Variants in DYRK1B observed in about 807,000 individuals in gnomAD.
The protein encoded by DYRK1B is dual specificity tyrosine phosphorylation regulated kinase 1B, also known as dual specificity tyrosine-phosphorylation-regulated kinase 1B.
Under a neutral mutation model 57.1 loss-of-function variants are expected in DYRK1B, and 20 were observed. That is an observed-to-expected ratio of 0.35 (90% CI 0.25 to 0.51). DYRK1B has a LOEUF of 0.51. Among genes scored for constraint, DYRK1B ranks in the 20% least tolerant of loss-of-function variants. The pLI is 0.96. For synonymous variants in DYRK1B, 409 were observed against 384.7 expected (o/e 1.06, Z -0.74); for missense variants, 732 against 886.3 (o/e 0.83, Z 2.21).
intron 2 of DYRK1B, among the ~76,000 whole-genome samples, chr19:39,831,220 GTTCT>G (rs1425079282): frequency 1.3e-5 from 2 of 152,088 alleles, no homozygotes; most frequent in African/African-American, 2.4e-5. Context: ...TCTTTGCACA[GTTCT>G]TTCACCCCAA....
Position 39,826,350 on chromosome 19 carries a change from G to T in DYRK1B, c.1412-64C>A. 7.3e-7 allele frequency: 1 copy of T among 1,373,478 alleles called. No individual in the cohort carries two copies. Among genetic ancestry groups the T allele is most frequent in the Non-Finnish European group, 9.9e-7 (1 of 1,013,672 alleles). The allele number at this position is 1,373,478 out of a possible 1,614,324, so 85.1% of individuals were successfully genotyped here. On this transcript the variant is annotated intron_variant, in intron 9 of 10. Transcript: ENST00000323039. This position sits in a 1 kb window ranked among gnomAD's most constrained non-coding sequence, Gnocchi z 6.3. The stretch of plus-strand genomic sequence containing the variant: ...TGAGAGAAGGTGGCGAGTGGGTTTT[G>T]GGATGGCTGAGGGAAGGTCACGGCC...
In DYRK1B at chr19:39,826,875, C is replaced by G. The variant is rs866531075; in HGVS notation, c.1208G>C (p.Arg403Pro). 7.0e-7 allele frequency: 1 copy of G among 1,428,230 alleles called. No homozygotes were observed. The highest frequency in any genetic ancestry group is 2.8e-5 in the East Asian group (1 of 36,298). 88.5% of individuals were successfully genotyped at this position (1,428,230 alleles called of 1,614,324 possible). A position where few individuals can be genotyped will look rare whatever the true frequency, so the allele number is the denominator to read the frequency against. ...CATGCGCAGCACCAGGTCCTGGAAG[C>G]GGAGGTAGTCGGCGGGGCTGTGGCC... ...EPGHSPADYL[R>P]FQDLVLRMLE... The change falls in exon 9 of 11, where the codon CGC becomes CCC. Residue 403 changes from arginine (R) to proline (P), a missense_variant. By Grantham distance (103) the Arg-to-Pro change is moderately radical. Around this residue, in one of 2 missense-constraint regions of DYRK1B, gnomAD observed 510 missense variants for 681.3 expected, o/e 0.75. Transcript: ENST00000323039. The surrounding 1 kb of genome is among the most constrained non-coding windows in gnomAD (Gnocchi z 6.3).
rs200639977 is a variant in DYRK1B, at chr19:39,830,032, T to C, written c.373-5A>G. ...ATGATCATAGGCTTTCACCACCTGT[T>C]GGGGCAGGGCATGTCACGAAGAAAG... On this transcript the variant is annotated splice_polypyrimidine_tract_variant and splice_region_variant and intron_variant, in intron 4 of 10. Coordinates refer to ENST00000323039, the MANE Select transcript of DYRK1B (RefSeq NM_004714.3). 13 of 1,613,874 alleles carry C rather than the reference T, an allele frequency of 8.1e-6. No homozygotes were observed. The African/African-American group carries it at 1.5e-4, about 18-fold the overall frequency.
At chr19:39,830,180 G>T in intron 4 of DYRK1B, 153 bp from the exon 5 acceptor site, 4 of 1,159,618 alleles carry the variant, frequency 3.4e-6, no homozygotes, top group Non-Finnish European at 4.9e-6. Context: ...TGTAAACACT[G>T]GATGTGAAAT....
At position 39,827,660 on chromosome 19, in the gene DYRK1B, G is replaced by T; in HGVS notation, c.808-4C>A. 3 of 1,612,550 alleles carry T rather than the reference G, an allele frequency of 1.9e-6. No homozygotes were observed. The highest frequency in any genetic ancestry group is 2.5e-6 in the Non-Finnish European group (3 of 1,178,860). On this transcript the variant is annotated splice_region_variant and splice_polypyrimidine_tract_variant and intron_variant, in intron 6 of 10. Coordinates refer to ENST00000323039, the MANE Select transcript of DYRK1B (RefSeq NM_004714.3). ...GGCTCTGGATATACTGGTAGATCTG[G>T]GAAAAGGGTAATCGTCAAGGGACCC...
chr19:39,829,672 A>G (rs1235045520), intron 5 of DYRK1B: 3 of 525,678 alleles, frequency 5.7e-6, no homozygotes, highest in East Asian at 3.2e-5. Context: ...CTTGGTGAGC[A>G]CTCAGTAACC....
intron 2 of DYRK1B, among the ~76,000 whole-genome samples, 177 bp from the exon 3 acceptor site, chr19:39,830,960 C>T (rs942152433): frequency 1.3e-5 from 2 of 152,208 alleles, no homozygotes; most frequent in Non-Finnish European, 2.9e-5. Context: ...TACTATACCT[C>T]CAGTGCCTAC....
rs1599647461 is a variant in DYRK1B, at chr19:39,831,926, G to A, written c.-59C>T. On this transcript the variant is annotated 5_prime_UTR_variant, in exon 2 of 11. Transcript: ENST00000323039. ...TGGAGCGGGAGCCCGGCCGGGGGGC[G>A]CCTTCTTGCATCCTGCACCTCGGCT... 43 of 1,437,202 alleles carry A rather than the reference G, an allele frequency of 3.0e-5. No individual in the cohort carries two copies. The highest frequency in any genetic ancestry group is 1.6e-4 in the South Asian group (11 of 67,764). The allele number at this position is 1,437,202 out of a possible 1,614,324, so 89.0% of individuals were successfully genotyped here.
In DYRK1B at chr19:39,827,637, C is replaced by T; in HGVS notation, c.827G>A (p.Ser276Asn). 6.2e-7 allele frequency: 1 copy of T among 1,613,958 alleles called. No individual in the cohort carries two copies. Among genetic ancestry groups the T allele is most frequent in the Non-Finnish European group, 8.5e-7 (1 of 1,179,916 alleles). The stretch of plus-strand genomic sequence containing the variant: ...CACCTCAGGTGAGCGGTAGAAGCGG[C>T]TCTGGATATACTGGTAGATCTGGGA... ...LGQRIYQYIQSRFYRSPEVLL... is the reference protein window; with the variant it reads ...LGQRIYQYIQNRFYRSPEVLL... Residue 276 changes from serine (S) to asparagine (N), a missense_variant, in exon 7 of 11, where the codon AGC becomes AAC. Physicochemically the swap from Ser to Asn is conservative, Grantham distance 46. This residue lies in a region of DYRK1B where 510 missense variants were observed against 681.3 expected (regional missense o/e 0.75). Coordinates refer to ENST00000323039, the MANE Select transcript of DYRK1B (RefSeq NM_004714.3).
chr19:39,834,072 G>A lies in DYRK1B; in HGVS notation c.-151C>T, dbSNP rs1421473409. ...AAACTGCTCGGGGAGCCCGAGCTCA[G>A]ACCTGCCCACTGGCTGAGGGTATCC... On this transcript the variant is annotated 5_prime_UTR_variant, in exon 1 of 11. Transcript: ENST00000323039. The A allele has an allele frequency of 5.7e-6, 1 of 175,600 alleles. No individual in the cohort carries two copies. The highest frequency in any genetic ancestry group is 1.2e-5 in the Non-Finnish European group (1 of 80,920). 10.9% of individuals were successfully genotyped at this position (175,600 alleles called of 1,614,324 possible). A position where few individuals can be genotyped will look rare whatever the true frequency, so the allele number is the denominator to read the frequency against.
In DYRK1B at chr19:39,828,220, C is replaced by T. The variant is rs1343045312; in HGVS notation, c.807+77G>A. The T allele has an allele frequency of 1.3e-6, 2 of 1,508,980 alleles. No homozygotes were observed. Among genetic ancestry groups the T allele is most frequent in the African/African-American group, 2.7e-5 (2 of 72,946 alleles). 93.5% of individuals were successfully genotyped at this position (1,508,980 alleles called of 1,614,324 possible). Reference sequence around the variant, plus strand: ...TCCTAATAATCCCATCCCAGCCAAGCCCCGCCCCTAAGCCTCCCGTTGGCT... The same window carrying T: ...TCCTAATAATCCCATCCCAGCCAAGTCCCGCCCCTAAGCCTCCCGTTGGCT... On this transcript the variant is annotated intron_variant, in intron 6 of 10. Transcript: ENST00000323039. The surrounding 1 kb of genome is among the most constrained non-coding windows in gnomAD (Gnocchi z 4.3).
In DYRK1B at chr19:39,825,501, G is replaced by C. The variant is rs559139431; in HGVS notation, c.*214C>G. On this transcript the variant is annotated 3_prime_UTR_variant, in exon 11 of 11. Transcript: ENST00000323039. The stretch of plus-strand genomic sequence containing the variant: ...TTGGTACAATAAATAGAAAAAAAGG[G>C]GGAGAGGGGCCCAAGGGTCCAGTCC... 3.5e-6 allele frequency: 2 copies of C among 578,716 alleles called. No homozygotes were observed. Among genetic ancestry groups the C allele is most frequent in the Non-Finnish European group, 6.1e-6 (2 of 327,912 alleles). 35.8% of individuals were successfully genotyped at this position (578,716 alleles called of 1,614,324 possible).
chr19:39,829,436 C>T lies in DYRK1B; in HGVS notation c.520+444G>A, dbSNP rs371634021. ...TAGAGACGGGGTTTCACCATGTTGG[C>T]CAGGATGGTCTCGATCTCTTGATAT... On this transcript the variant is annotated intron_variant, in intron 5 of 10. Coordinates refer to ENST00000323039, the MANE Select transcript of DYRK1B (RefSeq NM_004714.3). Among the ~76,000 whole-genome samples the T allele has an allele frequency of 2.7e-4, 41 of 152,184 alleles. 1 individual carries two copies. The East Asian group carries it at 7.7e-3, about 29-fold the overall frequency.
chr19:39,829,713 A>T, intron 5 of DYRK1B, 167 bp downstream of exon 5: 1 of 777,620 alleles, frequency 1.3e-6, no homozygotes, highest in Non-Finnish European at 2.0e-6. Flanking sequence ...TAGGACAAAA[A>T]TCATAAAAGC....
At chr19:39,831,767 CT>C (rs1968822506) in intron 2 of DYRK1B, 37 bp downstream of exon 2, 1 of 1,549,132 alleles carries the variant, frequency 6.5e-7, no homozygotes. Context: ...CAGCCTCCCC[CT>C]ACCACCACGC....
In DYRK1B at chr19:39,828,748, G is replaced by C. The variant is rs76394457; in HGVS notation, c.521-165C>G. ...TTATCTAACAACTAGATTCACACAG[G>C]AAGTTAATGCTCTTTCCAAGTCTCT... On this transcript the variant is annotated intron_variant, in intron 5 of 10. Coordinates refer to ENST00000323039, the MANE Select transcript of DYRK1B (RefSeq NM_004714.3). The surrounding 1 kb of genome is among the most constrained non-coding windows in gnomAD (Gnocchi z 4.3). 8.5e-3 allele frequency among the ~76,000 whole-genome samples: 1,298 copies of C among 152,278 alleles called. 11 individuals are homozygous for C. The highest frequency in any genetic ancestry group is 0.027 in the African/African-American group (1,132 of 41,538).
chr19:39,826,762 T>C lies in DYRK1B; in HGVS notation c.1321A>G (p.Thr441Ala). 6.3e-7 allele frequency: 1 copy of C among 1,585,492 alleles called. No homozygotes were observed. Among genetic ancestry groups the C allele is most frequent in the Non-Finnish European group, 8.6e-7 (1 of 1,167,756 alleles). ...FRRTADEATNTGPAGSSASTS... is the reference protein window; with the variant it reads ...FRRTADEATNAGPAGSSASTS... ...GAGGCACTGCTGCCTGCCGGGCCCG[T>C]GTTGGTGGCCTCGTCGGCCGTGCGG... is the stretch of plus-strand genomic sequence containing the variant. The change falls in exon 9 of 11, where the codon ACG becomes GCG. Residue 441 changes from threonine (T) to alanine (A), a missense_variant. Coordinates refer to ENST00000323039, the MANE Select transcript of DYRK1B (RefSeq NM_004714.3). This position sits in a 1 kb window ranked among gnomAD's most constrained non-coding sequence, Gnocchi z 6.3.
In DYRK1B at chr19:39,828,077, C is replaced by A. The variant is rs551030064; in HGVS notation, c.807+220G>T. On this transcript the variant is annotated intron_variant, in intron 6 of 10. Transcript: ENST00000323039. This position sits in a 1 kb window ranked among gnomAD's most constrained non-coding sequence, Gnocchi z 4.3. ...CTGGCTCAAACCCAACCCAACTTCA[C>A]CCTGTTCACATCTGGCAGCTTCAAA... 6.6e-6 allele frequency among the ~76,000 whole-genome samples: 1 copy of A among 152,310 alleles called. No homozygotes were observed. The highest frequency in any genetic ancestry group is 1.9e-4 in the East Asian group (1 of 5,184).
chr19:39,830,905 G>C, intron 2 of DYRK1B, 122 bp from the exon 3 acceptor site: 1 of 1,225,336 alleles, frequency 8.2e-7, no homozygotes, highest in East Asian at 2.5e-5. Flanking sequence ...TGTTCCACCT[G>C]TCTAGGAAAG....
Sources: gnomAD v4.1 joint callset for allele counts (sites outside exome capture counted in the v4.1 genomes callset) on GRCh38, gnomAD v4.1.1 for gene constraint, gnomAD v4.1.1 regional missense constraint, Gnocchi (gnomAD v3.1) non-coding constraint, MANE v1.5 for transcripts, NCBI Gene and HGNC (gene_info 2026-07-23, HGNC 2026-07-21) for gene names.